SGCZ: variants seen among roughly 807,000 people sequenced by gnomAD.
SGCZ encodes the protein sarcoglycan zeta, also known as zeta-sarcoglycan.
Under a neutral mutation model 41.3 loss-of-function variants are expected in SGCZ, and 40 were observed. The ratio of observed to expected loss-of-function variants is 0.97; its 90% confidence interval spans 0.75 to 1.26. The LOEUF is 1.26. Ranked by LOEUF, SGCZ falls within the 50% of genes most tolerant of loss-of-function variation. The pLI is 0.00. For synonymous variants in SGCZ, 206 were observed against 137.5 expected (o/e 1.50, Z -3.49); for missense variants, 552 against 369.8 (o/e 1.49, Z -4.04).
intron 1 of SGCZ, among the ~76,000 whole-genome samples, chr8:14,920,678 G>A (rs1361500209): frequency 1.3e-5 from 2 of 152,086 alleles, no homozygotes; most frequent in East Asian, 1.9e-4. Flanking sequence ...ATGGAGATAC[G>A]AGAGATTTAA....
chr8:14,541,646 C>A (rs1322663949), intron 2 of SGCZ, among the ~76,000 whole-genome samples: 1 of 151,970 alleles, frequency 6.6e-6, no homozygotes, highest in African/African-American at 2.4e-5. Context: ...GGTATATGCC[C>A]AATAATGGAA....
chr8:14,913,615 C>T (rs891310772), intron 1 of SGCZ, among the ~76,000 whole-genome samples: 5 of 152,108 alleles, frequency 3.3e-5, no homozygotes, highest in African/African-American at 9.6e-5. Flanking sequence ...TTTTCTTCTA[C>T]CATAATATAC....
chr8:14,854,619 A>G (rs924520342), intron 1 of SGCZ, among the ~76,000 whole-genome samples: 6 of 152,318 alleles, frequency 3.9e-5, no homozygotes, highest in African/African-American at 1.4e-4. Context: ...CAAATATAAG[A>G]TATTTTGAAT....
chr8:15,068,136 A>G (rs79680889), intron 1 of SGCZ, among the ~76,000 whole-genome samples: 11,776 of 152,250 alleles, frequency 0.077, 699 homozygotes, highest in African/African-American at 0.16. Context: ...TGAAACTCTT[A>G]TAAGGAAAGT....
chr8:14,092,284 T>C (rs1452978337), intron 7 of SGCZ, among the ~76,000 whole-genome samples: 1 of 152,108 alleles, frequency 6.6e-6, no homozygotes, highest in African/African-American at 2.4e-5. Context: ...TTGCTTAGGA[T>C]TGTCTTGGTT....
At chr8:14,177,675 A>ATTTTTTTTTTTTTTT (rs1193141913) in intron 4 of SGCZ, among the ~76,000 whole-genome samples, 3 of 111,340 alleles carry the variant, frequency 2.7e-5, no homozygotes, top group Middle Eastern at 5.5e-3. Context: ...ACGCCCTGCT[A>ATTTTTTTTTTTTTTT]TTTTTTTTTT....
intron 1 of SGCZ, among the ~76,000 whole-genome samples, chr8:15,234,764 AT>A (rs1256798413): frequency 6.6e-6 from 1 of 152,188 alleles, no homozygotes; most frequent in Non-Finnish European, 1.5e-5. Context: ...ACAGCAAAAA[AT>A]AAAAAAATTG....
intron 1 of SGCZ, among the ~76,000 whole-genome samples, chr8:14,757,024 A>T (rs1799697258): frequency 6.6e-6 from 1 of 152,062 alleles, no homozygotes; most frequent in South Asian, 2.1e-4. Flanking sequence ...TCCTGAACTT[A>T]CTTCACCTTC....
intron 1 of SGCZ, among the ~76,000 whole-genome samples, chr8:15,219,480 T>C (rs1230847559): frequency 1.3e-5 from 2 of 152,200 alleles, no homozygotes; most frequent in African/African-American, 4.8e-5. Flanking sequence ...CCCAACTCAA[T>C]AGAATGGTCA....
intron 1 of SGCZ, among the ~76,000 whole-genome samples, chr8:14,884,881 C>T (rs943648003): frequency 6.6e-6 from 1 of 152,092 alleles, no homozygotes; most frequent in African/African-American, 2.4e-5. Context: ...ATACTAAACT[C>T]ACTGGTTCCA....
intron 2 of SGCZ, among the ~76,000 whole-genome samples, chr8:14,440,457 A>T (rs1800216857): frequency 6.6e-6 from 1 of 152,112 alleles, no homozygotes; most frequent in Non-Finnish European, 1.5e-5. Context: ...GCCAGAACAC[A>T]ATGAAGTTTC....
intron 1 of SGCZ, among the ~76,000 whole-genome samples, chr8:14,789,169 T>G (rs1197805104): frequency 6.6e-6 from 1 of 152,092 alleles, no homozygotes; most frequent in Non-Finnish European, 1.5e-5. Flanking sequence ...CTATGCACGA[T>G]GCTTGGGGGC....
chr8:14,959,893 T>A (rs1050612930), intron 1 of SGCZ, among the ~76,000 whole-genome samples: 2 of 152,158 alleles, frequency 1.3e-5, no homozygotes, highest in Non-Finnish European at 2.9e-5. Context: ...TTTTCCTGAT[T>A]TTCCAGCACG....
At chr8:15,198,831 GA>G (rs1800812322) in intron 1 of SGCZ, among the ~76,000 whole-genome samples, 1 of 152,094 alleles carries the variant, frequency 6.6e-6, no homozygotes. Flanking sequence ...GTGACTCTAT[GA>G]CTTATTTTTT....
chr8:14,398,492 T>C (rs1451035453), intron 2 of SGCZ, among the ~76,000 whole-genome samples: 1 of 152,178 alleles, frequency 6.6e-6, no homozygotes, highest in Admixed American at 6.6e-5. Flanking sequence ...TATAGAACTT[T>C]ATTTTGTTGA....
At chr8:15,097,716 G>A (rs1266546587) in intron 1 of SGCZ, among the ~76,000 whole-genome samples, 1 of 141,354 alleles carries the variant, frequency 7.1e-6, no homozygotes, top group Non-Finnish European at 1.5e-5. Context: ...GCGACAGAGT[G>A]AGAGCTTATA....
At chr8:15,156,772 C>T (rs1017530975) in intron 1 of SGCZ, among the ~76,000 whole-genome samples, 3 of 151,828 alleles carry the variant, frequency 2.0e-5, no homozygotes, top group Non-Finnish European at 2.9e-5. Flanking sequence ...GGTGAAACCC[C>T]GTTGCTATTA....
chr8:14,715,888 G>A (rs569645865), intron 1 of SGCZ, among the ~76,000 whole-genome samples: 1 of 152,210 alleles, frequency 6.6e-6, no homozygotes, highest in East Asian at 1.9e-4. Context: ...ATCAGTAGGA[G>A]CTGGCATGAA....
chr8:15,199,392 A>G (rs1800826912), intron 1 of SGCZ, among the ~76,000 whole-genome samples: 1 of 152,186 alleles, frequency 6.6e-6, no homozygotes, highest in South Asian at 2.1e-4. Flanking sequence ...TACAGAATTT[A>G]TTTCTAATGT....
Sources: gnomAD v4.1 joint callset for allele counts (sites outside exome capture counted in the v4.1 genomes callset) on GRCh38, gnomAD v4.1.1 for gene constraint, MANE v1.5 for transcripts, NCBI Gene and HGNC (gene_info 2026-07-23, HGNC 2026-07-21) for gene names.